ANTXR1: variants seen among roughly 807,000 people sequenced by gnomAD.
ANTXR1 encodes anthrax toxin receptor 1.
Under a neutral mutation model 78.1 loss-of-function variants are expected in ANTXR1, and 19 were observed. That is an observed-to-expected ratio of 0.24 (90% CI 0.17 to 0.36). The LOEUF (loss-of-function observed/expected upper bound fraction) is 0.36. ANTXR1 is among the 10% of genes least tolerant of loss of function. The pLI is 1.00. For missense variants in ANTXR1, 518 were observed against 718.6 expected (o/e 0.72, Z 3.19); for synonymous variants, 273 against 260.5 (o/e 1.05, Z -0.46).
intron 8 of ANTXR1, among the ~76,000 whole-genome samples, chr2:69,084,094 C>G (rs1293795797): frequency 6.6e-6 from 1 of 152,214 alleles, no homozygotes; most frequent in Non-Finnish European, 1.5e-5. Context: ...TCCTGCAGCC[C>G]CTCCTCCTAT....
chr2:69,068,019 T>A (rs1341314644), intron 3 of ANTXR1, among the ~76,000 whole-genome samples: 1 of 152,186 alleles, frequency 6.6e-6, no homozygotes, highest in Non-Finnish European at 1.5e-5. Flanking sequence ...AATGACCAGA[T>A]CTGGCTAATG....
chr2:69,193,184 G>A (rs1412857576), intron 16 of ANTXR1, 151 bp from the exon 17 acceptor site: 12 of 698,964 alleles, frequency 1.7e-5, no homozygotes, highest in African/African-American at 3.5e-5. Context: ...TTTGAATTAA[G>A]GGACTGCAGA....
intron 17 of ANTXR1, among the ~76,000 whole-genome samples, chr2:69,227,621 G>A (rs370068831): frequency 5.9e-4 from 90 of 152,132 alleles, no homozygotes; most frequent in African/African-American, 1.3e-3. Context: ...ATAACTCTCC[G>A]GGAATAAACT....
At chr2:69,118,380 G>A (rs10170709) in intron 10 of ANTXR1, among the ~76,000 whole-genome samples, 20 of 152,196 alleles carry the variant, frequency 1.3e-4, no homozygotes, top group African/African-American at 4.1e-4. Flanking sequence ...GCAGTGAGCC[G>A]TGATTGCACC....
At chr2:69,170,162 C>T in intron 13 of ANTXR1, 86 bp from the exon 14 acceptor site, 1 of 1,476,484 alleles carries the variant, frequency 6.8e-7, no homozygotes, top group Non-Finnish European at 9.4e-7. Flanking sequence ...TATGGCAGCA[C>T]CACCACGGTA....
intron 2 of ANTXR1, among the ~76,000 whole-genome samples, chr2:69,043,822 G>T (rs775303543): frequency 6.6e-6 from 1 of 152,166 alleles, no homozygotes; most frequent in Non-Finnish European, 1.5e-5. Flanking sequence ...GTGGTCAGAC[G>T]ATTGAGGCCA....
At chr2:69,099,388 A>C (rs1671537892) in intron 9 of ANTXR1, among the ~76,000 whole-genome samples, 1 of 152,210 alleles carries the variant, frequency 6.6e-6, no homozygotes, top group Non-Finnish European at 1.5e-5. Flanking sequence ...GGCTGCTTTT[A>C]ATAATGCCAC....
intron 12 of ANTXR1, among the ~76,000 whole-genome samples, chr2:69,147,418 C>T (rs1399107417): frequency 1.3e-5 from 2 of 152,156 alleles, no homozygotes; most frequent in African/African-American, 4.8e-5. Flanking sequence ...GACTCCAAGC[C>T]AAGAATCTAA....
At chr2:69,021,560 AGAT>A (rs1175163773) in intron 1 of ANTXR1, among the ~76,000 whole-genome samples, 1 of 152,212 alleles carries the variant, frequency 6.6e-6, no homozygotes, top group Admixed American at 6.5e-5. Context: ...AGAGAATGCT[AGAT>A]GATGTCTTGC....
At chr2:69,182,170 C>T (rs1246440088) in intron 15 of ANTXR1, among the ~76,000 whole-genome samples, 3 of 152,170 alleles carry the variant, frequency 2.0e-5, no homozygotes, top group East Asian at 3.8e-4. Flanking sequence ...GGTCACACAT[C>T]AGCTCAAACG....
At chr2:69,239,737 G>A (rs1036310927) in intron 17 of ANTXR1, among the ~76,000 whole-genome samples, 1 of 152,152 alleles carries the variant, frequency 6.6e-6, no homozygotes, top group Non-Finnish European at 1.5e-5. Flanking sequence ...CCTCCTGACT[G>A]CAACCCACAA....
intron 17 of ANTXR1, among the ~76,000 whole-genome samples, chr2:69,229,750 T>A (rs73937215): frequency 0.018 from 2,643 of 149,436 alleles, 111 homozygotes; most frequent in African/African-American, 0.064. Context: ...TTTTTTTTTT[T>A]AATCTTAGAA....
intron 1 of ANTXR1, among the ~76,000 whole-genome samples, chr2:69,019,347 T>G (rs1671114787): frequency 6.6e-6 from 1 of 152,238 alleles, no homozygotes; most frequent in Admixed American, 6.5e-5. Context: ...GGAAATTTTC[T>G]TCCATTTTAA....
At chr2:69,070,602 T>TA (rs879659599) in intron 3 of ANTXR1, 45 bp from the exon 4 acceptor site, 4 of 1,587,916 alleles carry the variant, frequency 2.5e-6, no homozygotes, top group African/African-American at 1.3e-5. Context: ...AACAGCAAAG[T>TA]AAAAAATACT....
At chr2:69,219,133 C>A (rs79053308) in intron 17 of ANTXR1, among the ~76,000 whole-genome samples, 10,578 of 152,122 alleles carry the variant, frequency 0.07, 851 homozygotes, top group East Asian at 0.37. Flanking sequence ...GGGCAGCTTG[C>A]CCCAGAGCCA....
At chr2:69,097,541 C>T (rs919405929) in intron 9 of ANTXR1, among the ~76,000 whole-genome samples, 19 of 152,194 alleles carry the variant, frequency 1.2e-4, no homozygotes, top group African/African-American at 4.6e-4. Context: ...CATTTCTGAC[C>T]TTTGGCCACC....
At chr2:69,204,404 G>A (rs1447279245) in intron 17 of ANTXR1, among the ~76,000 whole-genome samples, 2 of 152,144 alleles carry the variant, frequency 1.3e-5, no homozygotes, top group African/African-American at 4.8e-5. Context: ...TGGACTGGCA[G>A]TTCCTCATAA....
At chr2:69,162,093 T>C (rs1424874057) in intron 13 of ANTXR1, among the ~76,000 whole-genome samples, 2 of 152,070 alleles carry the variant, frequency 1.3e-5, no homozygotes, top group African/African-American at 2.4e-5. Context: ...CAAAAATTCC[T>C]GGAAAAAATA....
At chr2:69,103,339 G>A (rs1174328525) in intron 10 of ANTXR1, 5 of 323,102 alleles carry the variant, frequency 1.5e-5, no homozygotes, top group East Asian at 7.5e-5. Context: ...GCAGAAACAT[G>A]AGCCTCCTTA....
Sources: allele counts gnomAD v4.1 joint callset (sites outside exome capture counted in the v4.1 genomes callset), GRCh38; gene constraint gnomAD v4.1.1; transcripts MANE v1.5; gene names NCBI Gene and HGNC (gene_info 2026-07-23, HGNC 2026-07-21).